The following UBA6 variants were observed in gnomAD, a reference collection of about 807,000 sequenced individuals.
UBA6 encodes ubiquitin like modifier activating enzyme 6.
In UBA6, 87 loss-of-function variants were observed where a neutral mutation model predicts 148.3. The ratio of observed to expected loss-of-function variants is 0.59; its 90% confidence interval spans 0.49 to 0.70. UBA6 has a LOEUF of 0.70. UBA6 is among the 30% of genes least tolerant of loss of function. The pLI is 0.00. For synonymous variants in UBA6, 376 were observed against 401.0 expected (o/e 0.94, Z 0.75); for missense variants, 1,186 against 1,241.2 (o/e 0.96, Z 0.67).
chr4:67,664,675 C>T (rs952801564), intron 10 of UBA6, among the ~76,000 whole-genome samples: 1 of 151,804 alleles, frequency 6.6e-6, no homozygotes, highest in African/African-American at 2.4e-5. Context: ...CAATGCCAGT[C>T]GTTTTTAGAA....
In UBA6 at chr4:67,646,728, G is replaced by A. The variant is rs1422455311; in HGVS notation, c.1312C>T (p.Pro438Ser). The A allele has an allele frequency of 1.2e-6, 2 of 1,601,070 alleles. No individual in the cohort carries two copies. The highest frequency in any genetic ancestry group is 1.7e-6 in the Non-Finnish European group (2 of 1,173,802). ...LGKPECEEFL[P>S]RGDRYDALRA... ...CAAGAGAAATTTCATTATTACCGTG[G>A]GAGAAATTCTTCACATTCAGGTTTG... Residue 438 changes from proline (P) to serine (S), a missense_variant, in exon 15 of 33, where the codon CCA becomes TCA. Pro to Ser is a moderately conservative substitution (Grantham distance 74, BLOSUM62 -1). Transcript: ENST00000322244.
chr4:67,695,082 G>A (rs1010066881), intron 2 of UBA6, among the ~76,000 whole-genome samples: 1 of 152,172 alleles, frequency 6.6e-6, no homozygotes, highest in Admixed American at 6.5e-5. Flanking sequence ...GCATTATAGG[G>A]TTGGAGGGAC....
At chr4:67,633,806 G>C (rs1298312374) in intron 22 of UBA6, among the ~76,000 whole-genome samples, 1 of 152,074 alleles carries the variant, frequency 6.6e-6, no homozygotes, top group African/African-American at 2.4e-5. Flanking sequence ...AGTGGGCCTT[G>C]TTAGCAAAAG....
Position 67,678,488 on chromosome 4 carries a change from C to G in UBA6, c.304G>C (p.Gly102Arg). 1.9e-6 allele frequency: 3 copies of G among 1,599,950 alleles called. No individual in the cohort carries two copies. Among genetic ancestry groups the G allele is most frequent in the Non-Finnish European group, 2.6e-6 (3 of 1,171,802 alleles). Residue 102 changes from glycine (G) to arginine (R), a missense_variant, in exon 5 of 33, where the codon GGA becomes CGA. By Grantham distance (125) the Gly-to-Arg change is moderately radical. Coordinates refer to ENST00000322244, the MANE Select transcript of UBA6 (RefSeq NM_018227.6). ...DTEKCQAWDL[G>R]TNFFLSEDDV... Reference sequence around the variant, plus strand: ...TCTTCACTGAGAAAGAAGTTGGTTCCTAGATCCCATGCTTGGCATTTTTCT... The same window carrying G: ...TCTTCACTGAGAAAGAAGTTGGTTCGTAGATCCCATGCTTGGCATTTTTCT...
intron 7 of UBA6, among the ~76,000 whole-genome samples, chr4:67,672,204 C>A (rs753402401): frequency 5.3e-5 from 8 of 152,130 alleles, no homozygotes; most frequent in Non-Finnish European, 1.2e-4. Context: ...TTATTGAGGA[C>A]CCAAAGAGCT....
intron 2 of UBA6, 61 bp from the exon 3 acceptor site, chr4:67,682,274 A>C: frequency 7.6e-7 from 1 of 1,318,430 alleles, no homozygotes; most frequent in Non-Finnish European, 1.1e-6. Context: ...ATATCTCTTA[A>C]AGTTGTTTGC....
chr4:67,657,274 T>C (rs1729721814), intron 13 of UBA6, among the ~76,000 whole-genome samples: 1 of 152,194 alleles, frequency 6.6e-6, no homozygotes, highest in Non-Finnish European at 1.5e-5. Flanking sequence ...ACTATCTGAC[T>C]TCAAATTATA....
At position 67,617,172 on chromosome 4, in the gene UBA6, A is replaced by G. The variant is rs926982765; in HGVS notation, c.*1825T>C. 6 of 152,174 alleles carry G rather than the reference A, an allele frequency of 3.9e-5. No individual in the cohort carries two copies. The highest frequency in any genetic ancestry group is 1.2e-4 in the African/African-American group (5 of 41,460). 9.4% of individuals were successfully genotyped at this position (152,174 alleles called of 1,614,324 possible). On this transcript the variant is annotated 3_prime_UTR_variant, in exon 33 of 33. Coordinates refer to ENST00000322244, the MANE Select transcript of UBA6 (RefSeq NM_018227.6). ...TCTGAAGAGCTGTCGAGACTTCAAT[A>G]AAATATAAGCAAGTTACTGGATCAT...
In UBA6 at chr4:67,617,075, G is replaced by T. The variant is rs1728641659; in HGVS notation, c.*1922C>A. The T allele has an allele frequency of 6.6e-6, 1 of 152,034 alleles. No homozygotes were observed. The highest frequency in any genetic ancestry group is 2.1e-4 in the South Asian group (1 of 4,830). 9.4% of individuals were successfully genotyped at this position (152,034 alleles called of 1,614,324 possible). ...TAATCACAAAATGAACTTAATTTTTGTTGATTTTGTTTTATCTGCTAAAAC... is the reference window on the plus strand; with the variant it reads ...TAATCACAAAATGAACTTAATTTTTTTTGATTTTGTTTTATCTGCTAAAAC... On this transcript the variant is annotated 3_prime_UTR_variant, in exon 33 of 33. Coordinates refer to ENST00000322244, the MANE Select transcript of UBA6 (RefSeq NM_018227.6).
Position 67,614,100 on chromosome 4 carries a change from A to C in UBA6, c.*4897T>G, listed in dbSNP as rs996107199. 1.3e-5 allele frequency: 2 copies of C among 152,142 alleles called. No homozygotes were observed. Among genetic ancestry groups the C allele is most frequent in the Admixed American group, 1.3e-4 (2 of 15,264 alleles). The allele number at this position is 152,142 out of a possible 1,614,324, so 9.4% of individuals were successfully genotyped here. ...TGCTGAGAGTTTCCTCTGCACAATA[A>C]AACTTGTTCTCCACAATCTCTTATT... On this transcript the variant is annotated 3_prime_UTR_variant, in exon 33 of 33. Coordinates refer to ENST00000322244, the MANE Select transcript of UBA6 (RefSeq NM_018227.6).
chr4:67,663,719 C>T, intron 11 of UBA6, 166 bp downstream of exon 11: 6 of 484,462 alleles, frequency 1.2e-5, no homozygotes, highest in South Asian at 9.0e-5. Flanking sequence ...ATTTTTAATC[C>T]TCAGAAGTCA....
intron 2 of UBA6, among the ~76,000 whole-genome samples, chr4:67,688,664 A>C (rs1232298153): frequency 6.6e-6 from 1 of 152,148 alleles, no homozygotes; most frequent in Non-Finnish European, 1.5e-5. Context: ...TAATAAGAAA[A>C]ATAAAATTTT....
rs755386689 is a variant in UBA6, at chr4:67,649,198, G to T, written c.1118C>A (p.Ala373Asp). The change falls in exon 14 of 33, where the codon GCT (alanine) becomes GAT (aspartate). Residue 373 changes from alanine to aspartate, a missense_variant. Coordinates refer to ENST00000322244, the MANE Select transcript of UBA6 (RefSeq NM_018227.6). ...CCAAGAGAGCCAATGCACAATGTCA[G>T]CATTTACATCAGGCTAAAACAAAAG... The part of the protein sequence containing the change: ...ETLEEKPDVN[A>D]DIVHWLSWTA... 66 of 1,609,884 alleles carry T rather than the reference G, an allele frequency of 4.1e-5. No individual in the cohort carries two copies. Among genetic ancestry groups the T allele is most frequent in the Non-Finnish European group, 5.3e-5 (63 of 1,178,310 alleles).
At chr4:67,660,629 T>C (rs923161425) in intron 13 of UBA6, among the ~76,000 whole-genome samples, 4 of 152,154 alleles carry the variant, frequency 2.6e-5, no homozygotes, top group South Asian at 2.1e-4. Flanking sequence ...GGGGCCCTCA[T>C]GGAGAACTTC....
chr4:67,697,590 C>T (rs369966891), intron 1 of UBA6, among the ~76,000 whole-genome samples: 3 of 152,212 alleles, frequency 2.0e-5, no homozygotes, highest in South Asian at 2.1e-4. Context: ...TCTTTCCTAA[C>T]TCATTTTCCG....
chr4:67,701,125 C>T lies in UBA6; in HGVS notation c.-6G>A. 1 of 1,612,586 alleles carries T rather than the reference C, an allele frequency of 6.2e-7. No homozygotes were observed. Among genetic ancestry groups the T allele is most frequent in the African/African-American group, 1.3e-5 (1 of 75,024 alleles). ...ACAGGCTCGGATCCTTCCATTGCCG[C>T]CTGAGACACCGCCGCCGGCTACTGG... is the stretch of plus-strand genomic sequence containing the variant. On this transcript the variant is annotated 5_prime_UTR_variant, in exon 1 of 33. Coordinates refer to ENST00000322244, the MANE Select transcript of UBA6 (RefSeq NM_018227.6).
chr4:67,663,677 C>T (rs995600146), intron 11 of UBA6: 6 of 509,052 alleles, frequency 1.2e-5, no homozygotes, highest in Non-Finnish European at 1.7e-5. Flanking sequence ...TTTCCTATTA[C>T]TTTATCATTT....
chr4:67,671,984 C>G (rs371824612), intron 7 of UBA6, among the ~76,000 whole-genome samples: 1 of 152,050 alleles, frequency 6.6e-6, no homozygotes. Flanking sequence ...GCCCCCACCC[C>G]ACCCCACCTT....
In UBA6 at chr4:67,650,769, C is replaced by T. The variant is rs189944318; in HGVS notation, c.1105-1558G>A. Among the ~76,000 whole-genome samples, 16 of 152,176 alleles carry T rather than the reference C, an allele frequency of 1.1e-4. No individual in the cohort carries two copies. In the East Asian group the frequency reaches 1.4e-3, roughly 13 times the overall value. On this transcript the variant is annotated intron_variant, in intron 13 of 32. Coordinates refer to ENST00000322244, the MANE Select transcript of UBA6 (RefSeq NM_018227.6). ...GTCCTAAGAAAAAGAAAGACCCACA[C>T]TAAGTGCAGAAAATATTGATGAGAG...
Sources: allele counts gnomAD v4.1 joint callset (sites outside exome capture counted in the v4.1 genomes callset), GRCh38; gene constraint gnomAD v4.1.1; transcripts MANE v1.5; gene names NCBI Gene and HGNC (gene_info 2026-07-23, HGNC 2026-07-21).